ADGRL3: variants seen among roughly 807,000 people sequenced by gnomAD.
ADGRL3 encodes calcium-independent alpha-latrotoxin receptor 3.
In ADGRL3, 62 loss-of-function variants were observed where a neutral mutation model predicts 153.5. That is an observed-to-expected ratio of 0.40 (90% CI 0.33 to 0.50). The LOEUF (loss-of-function observed/expected upper bound fraction) is 0.50. ADGRL3 is among the 20% of genes least tolerant of loss of function. ADGRL3 has a pLI of 0.47. For synonymous variants in ADGRL3, 710 were observed against 672.5 expected, an observed-to-expected ratio of 1.06 and a Z score of -0.86; for missense variants, 1,641 against 1,859.4, an observed-to-expected ratio of 0.88 and a Z score of 2.16.
intron 1 of ADGRL3, among the ~76,000 whole-genome samples, chr4:61,280,113 CTT>C (rs1560420005): frequency 1.9e-5 from 1 of 54,048 alleles, no homozygotes; most frequent in Non-Finnish European, 4.5e-5. Flanking sequence ...TTTTCTTTTT[CTT>C]TTTTTTTTTT....
chr4:61,898,007 G>C (rs1285212145), intron 11 of ADGRL3, among the ~76,000 whole-genome samples: 2 of 152,066 alleles, frequency 1.3e-5, no homozygotes, highest in East Asian at 3.9e-4. Flanking sequence ...CTTAAGGCAA[G>C]GGACACAGCT....
intron 2 of ADGRL3, among the ~76,000 whole-genome samples, chr4:61,490,712 A>G (rs968953269): frequency 4.0e-5 from 6 of 150,448 alleles, no homozygotes; most frequent in African/African-American, 9.7e-5. Flanking sequence ...AAAAAAAAAG[A>G]AAAGATCCTT....
At chr4:61,600,144 C>A (rs923422853) in intron 5 of ADGRL3, among the ~76,000 whole-genome samples, 1 of 151,752 alleles carries the variant, frequency 6.6e-6, no homozygotes, top group Non-Finnish European at 1.5e-5. Context: ...CCCTTCTCTA[C>A]TAAAAATACA....
intron 2 of ADGRL3, among the ~76,000 whole-genome samples, chr4:61,405,876 G>A (rs534808907): frequency 1.9e-4 from 29 of 152,010 alleles, no homozygotes; most frequent in African/African-American, 5.8e-4. Flanking sequence ...TTCAACATCT[G>A]GTTGTCACTA....
At chr4:61,366,019 CTTACCT>C (rs2096389036) in intron 1 of ADGRL3, among the ~76,000 whole-genome samples, 1 of 152,114 alleles carries the variant, frequency 6.6e-6, no homozygotes, top group Non-Finnish European at 1.5e-5. Flanking sequence ...GAGTTTACAA[CTTACCT>C]ATAATTTTGT....
chr4:61,920,032 T>A (rs1029612110), intron 13 of ADGRL3, among the ~76,000 whole-genome samples: 1 of 152,336 alleles, frequency 6.6e-6, no homozygotes, highest in Non-Finnish European at 1.5e-5. Flanking sequence ...CACCAACTTG[T>A]ATTCTCTTCT....
At chr4:61,847,825 T>A (rs371619592) in intron 9 of ADGRL3, among the ~76,000 whole-genome samples, 794 of 10,516 alleles carry the variant, frequency 0.076, 126 homozygotes, top group Non-Finnish European at 0.15. Flanking sequence ...ATATATATAA[T>A]ATAAAATATA....
At chr4:61,254,486 A>G (rs534580547) in intron 1 of ADGRL3, among the ~76,000 whole-genome samples, 2 of 152,320 alleles carry the variant, frequency 1.3e-5, no homozygotes, top group South Asian at 4.1e-4. Flanking sequence ...ATGACTGTGC[A>G]TGACCAGGTC....
At chr4:61,779,087 AT>A (rs1487095647) in intron 8 of ADGRL3, among the ~76,000 whole-genome samples, 6 of 152,226 alleles carry the variant, frequency 3.9e-5, no homozygotes, top group African/African-American at 1.4e-4. Context: ...TGTAGAGGAA[AT>A]ATTAGAATGT....
intron 4 of ADGRL3, among the ~76,000 whole-genome samples, chr4:61,567,332 C>T (rs2098820376): frequency 6.6e-6 from 1 of 152,110 alleles, no homozygotes; most frequent in Non-Finnish European, 1.5e-5. Context: ...TGTTTGTGTC[C>T]ACCACCCTCC....
intron 8 of ADGRL3, among the ~76,000 whole-genome samples, chr4:61,748,915 G>C (rs1296963993): frequency 6.6e-6 from 1 of 151,136 alleles, no homozygotes; most frequent in Non-Finnish European, 1.5e-5. Flanking sequence ...CCATCAGAGT[G>C]AACAGGCAAC....
chr4:61,304,092 A>G (rs2094681987), intron 1 of ADGRL3, among the ~76,000 whole-genome samples: 1 of 152,204 alleles, frequency 6.6e-6, no homozygotes, highest in African/African-American at 2.4e-5. Flanking sequence ...AATGAGAGAT[A>G]CAGTGTTGCT....
rs529878406 is a variant in ADGRL3, at chr4:61,749,102, T to A, written c.1399+15548T>A. 3.9e-5 allele frequency among the ~76,000 whole-genome samples: 6 copies of A among 151,950 alleles called. No homozygotes were observed. In the South Asian group the frequency reaches 1.0e-3, roughly 26 times the overall value. ...GACATTTATGCTGCCAAAAAACACA[T>A]GAAAAAATGCTCACCATCACTGGCC... On this transcript the variant is annotated intron_variant, in intron 8 of 26. Transcript: ENST00000683033.
At chr4:61,760,568 T>G (rs1478299091) in intron 8 of ADGRL3, among the ~76,000 whole-genome samples, 2 of 152,200 alleles carry the variant, frequency 1.3e-5, no homozygotes, top group African/African-American at 4.8e-5. Flanking sequence ...CCCCTTTCTT[T>G]GACTAGGAAA....
intron 4 of ADGRL3, among the ~76,000 whole-genome samples, chr4:61,523,675 A>G (rs771509599): frequency 6.6e-6 from 1 of 152,100 alleles, no homozygotes; most frequent in Non-Finnish European, 1.5e-5. Flanking sequence ...ATTTCAAAGA[A>G]TTTCTTTAAG....
At chr4:61,892,606 T>A (rs1415957092) in intron 9 of ADGRL3, 50 bp from the exon 10 acceptor site, 17 of 1,340,638 alleles carry the variant, frequency 1.3e-5, no homozygotes, top group Non-Finnish European at 1.7e-5. Flanking sequence ...CATCTTGAGG[T>A]CCTCCTGTGA....
chr4:61,924,914 A>ATT (rs2098787993), intron 13 of ADGRL3, among the ~76,000 whole-genome samples: 1 of 151,920 alleles, frequency 6.6e-6, no homozygotes, highest in African/African-American at 2.4e-5. Flanking sequence ...ATGGTTTATT[A>ATT]TTTGCTTCCC....
rs1747331462 is a variant in ADGRL3 at position 62,076,916 on chromosome 4, A to C, written c.*6008A>C. ...TTAATATTATATTAGAATTATGTACATTATACAAAATAATTCATAACCAAG... is the reference window on the plus strand; with the variant it reads ...TTAATATTATATTAGAATTATGTACCTTATACAAAATAATTCATAACCAAG... On this transcript the variant is annotated 3_prime_UTR_variant, in exon 27 of 27. Transcript: ENST00000683033. The C allele has an allele frequency of 6.6e-6, 1 of 151,402 alleles. No individual in the cohort carries two copies. Among genetic ancestry groups the C allele is most frequent in the Admixed American group, 6.6e-5 (1 of 15,154 alleles). 9.4% of individuals were successfully genotyped at this position (151,402 alleles called of 1,614,324 possible). A position where few individuals can be genotyped will look rare whatever the true frequency, so the allele number is the denominator to read the frequency against.
At chr4:61,875,807 T>C (rs1374153019) in intron 9 of ADGRL3, among the ~76,000 whole-genome samples, 1 of 152,214 alleles carries the variant, frequency 6.6e-6, no homozygotes, top group Non-Finnish European at 1.5e-5. Flanking sequence ...GGTCAACATA[T>C]GTGAGGACTG....
Sources: gnomAD v4.1 joint callset for allele counts (sites outside exome capture counted in the v4.1 genomes callset) on GRCh38, gnomAD v4.1.1 for gene constraint, MANE v1.5 for transcripts, NCBI Gene and HGNC (gene_info 2026-07-23, HGNC 2026-07-21) for gene names.